SPOCK2: variants seen among roughly 807,000 people sequenced by gnomAD.
The protein encoded by SPOCK2 is SPARC (osteonectin), cwcv and kazal like domains proteoglycan 2.
A neutral mutation model predicts 60.1 loss-of-function variants in SPOCK2; 39 were observed. The observed-to-expected ratio is 0.65, with a 90% CI of 0.50 to 0.85. SPOCK2 has a LOEUF of 0.85. SPOCK2 is among the 40% of genes least tolerant of loss of function. The probability of loss-of-function intolerance (pLI) is 0.00; values close to 1 mark genes in which losing one functional copy is unlikely to be tolerated. For missense variants in SPOCK2, 523 were observed against 567.4 expected (o/e 0.92, Z 0.80); for synonymous variants, 217 against 231.5 (o/e 0.94, Z 0.57).
At chr10:72,073,543 G>A (rs575057087) in intron 1 of SPOCK2, among the ~76,000 whole-genome samples, 17 of 152,310 alleles carry the variant, frequency 1.1e-4, no homozygotes, top group African/African-American at 3.8e-4. Flanking sequence ...AGAGGACCCA[G>A]AAAGGGTCCT....
intron 1 of SPOCK2, among the ~76,000 whole-genome samples, chr10:72,075,443 T>C (rs1452355035): frequency 6.6e-6 from 1 of 152,096 alleles, no homozygotes; most frequent in Non-Finnish European, 1.5e-5. Flanking sequence ...CCCCTGGGTG[T>C]CATCTGAGGC....
intron 4 of SPOCK2, among the ~76,000 whole-genome samples, chr10:72,071,627 T>C (rs888051632): frequency 7.2e-5 from 11 of 152,182 alleles, no homozygotes; most frequent in Admixed American, 5.2e-4. Context: ...TGGTCTAACC[T>C]ATTTGTCTTA....
chr10:72,086,253 G>T lies in SPOCK2; in HGVS notation c.189+1887C>A, dbSNP rs1840853474. The stretch of plus-strand genomic sequence containing the variant: ...AAATCTAGTGCCTTTCTTCTGATGA[G>T]CATGAGAGGAAGGGGGAAGTGGTTG... On this transcript the variant is annotated intron_variant, in intron 1 of 10. Transcript: ENST00000373109. 6 of 987,156 alleles carry T rather than the reference G, an allele frequency of 6.1e-6. No homozygotes were observed. The South Asian group carries it at 2.8e-4, about 46-fold the overall frequency. 61.1% of individuals were successfully genotyped at this position (987,156 alleles called of 1,614,324 possible).
At chr10:72,080,442 C>T (rs1045658392) in intron 1 of SPOCK2, among the ~76,000 whole-genome samples, 1 of 152,164 alleles carries the variant, frequency 6.6e-6, no homozygotes, top group Non-Finnish European at 1.5e-5. Flanking sequence ...TCTGTGGCCT[C>T]CTCCTGCCCT....
rs1382750102 is a variant in SPOCK2, at chr10:72,088,143, T to C, written c.186A>G (p.Arg62=). The C allele has an allele frequency of 6.2e-7, 1 of 1,612,092 alleles. No homozygotes were observed. The highest frequency in any genetic ancestry group is 1.3e-5 in the African/African-American group (1 of 74,858). ...CTTGGCAGCCCTGCGGACTCACGTC[T>C]CGGAAGCGGTTCCAGTGCTTGATCT... The part of the protein sequence containing the change: ...SGKIKHWNRF[R]DEVEDDYIKS... The change falls in exon 1 of 11, where the codon CGA becomes CGG. Residue 62 remains arginine (R), a synonymous_variant. Coordinates refer to ENST00000373109, the MANE Select transcript of SPOCK2 (RefSeq NM_001244950.2).
At chr10:72,067,579 C>T (rs1437751906) in intron 7 of SPOCK2, 34 bp downstream of exon 7, 1 of 1,609,546 alleles carries the variant, frequency 6.2e-7, no homozygotes, top group Non-Finnish European at 8.5e-7. Context: ...CCCTATTTCC[C>T]TCCCTCCTCC....
intron 1 of SPOCK2, among the ~76,000 whole-genome samples, chr10:72,084,652 C>T (rs1370880193): frequency 6.6e-6 from 1 of 152,182 alleles, no homozygotes; most frequent in Non-Finnish European, 1.5e-5. Flanking sequence ...GCCTAGAATT[C>T]CCTGAAAAGC....
intron 2 of SPOCK2, 125 bp from the exon 3 acceptor site, chr10:72,072,673 G>T: frequency 6.9e-7 from 1 of 1,454,270 alleles, no homozygotes; most frequent in Non-Finnish European, 9.5e-7. Context: ...CATCCTGGTG[G>T]CTGACCCCTG....
At chr10:72,084,929 C>G (rs2131824488) in intron 1 of SPOCK2, among the ~76,000 whole-genome samples, 1 of 152,264 alleles carries the variant, frequency 6.6e-6, no homozygotes, top group Non-Finnish European at 1.5e-5. Flanking sequence ...TCCTGGGTGC[C>G]AAGCACTGTG....
At position 72,087,129 on chromosome 10, in the gene SPOCK2, A is replaced by G; in HGVS notation, c.189+1011T>C. 1 of 928,834 alleles carries G rather than the reference A, an allele frequency of 1.1e-6. No homozygotes were observed. Among genetic ancestry groups the G allele is most frequent in the African/African-American group, 1.7e-5 (1 of 57,932 alleles). 57.5% of individuals were successfully genotyped at this position (928,834 alleles called of 1,614,324 possible). A position where few individuals can be genotyped will look rare whatever the true frequency, so the allele number is the denominator to read the frequency against. On this transcript the variant is annotated intron_variant, in intron 1 of 10. Coordinates refer to ENST00000373109, the MANE Select transcript of SPOCK2 (RefSeq NM_001244950.2). This position sits in a 1 kb window ranked among gnomAD's most constrained non-coding sequence, Gnocchi z 4.7. ...CCCATCCCCCACAGCACCCCCAACG[A>G]TCTCGGGGTCCAGCCACACCCTCCG...
chr10:72,071,736 T>A (rs1471443159), intron 4 of SPOCK2, among the ~76,000 whole-genome samples: 1 of 152,162 alleles, frequency 6.6e-6, no homozygotes, highest in Non-Finnish European at 1.5e-5. Context: ...TCCTTGCTCA[T>A]CTCTTAAATG....
chr10:72,067,154 T>C (rs1840581732), intron 7 of SPOCK2, 34 bp from the exon 8 acceptor site: 1 of 1,588,686 alleles, frequency 6.3e-7, no homozygotes, highest in South Asian at 1.1e-5. Flanking sequence ...ACGCTTCATC[T>C]GGCTATTCAG....
intron 1 of SPOCK2, 106 bp downstream of exon 1, chr10:72,088,034 G>T: frequency 7.2e-7 from 1 of 1,387,612 alleles, no homozygotes; most frequent in Non-Finnish European, 9.9e-7. Context: ...CGGCCAGGCT[G>T]CGGAGCCTCG....
chr10:72,067,247 A>G, intron 7 of SPOCK2, 127 bp from the exon 8 acceptor site: 1 of 970,892 alleles, frequency 1.0e-6, no homozygotes, highest in Non-Finnish European at 1.5e-6. Flanking sequence ...GAATCTAACC[A>G]TGGGATTGAG....
chr10:72,078,014 A>G (rs1309966589), intron 1 of SPOCK2, among the ~76,000 whole-genome samples: 1 of 152,216 alleles, frequency 6.6e-6, no homozygotes, highest in East Asian at 1.9e-4. Flanking sequence ...TTGAAACTGA[A>G]TATACAGTTT....
At chr10:72,080,562 C>T (rs1049683434) in intron 1 of SPOCK2, among the ~76,000 whole-genome samples, 8 of 152,088 alleles carry the variant, frequency 5.3e-5, no homozygotes, top group African/African-American at 1.9e-4. Flanking sequence ...CCCCATCACA[C>T]ACCTGGGAGA....
At chr10:72,072,290 C>G in intron 3 of SPOCK2, 32 bp from the exon 4 acceptor site, 1 of 1,488,622 alleles carries the variant, frequency 6.7e-7, no homozygotes, top group Non-Finnish European at 8.9e-7. Flanking sequence ...ACACAGGTCA[C>G]CTGGGAGAAC....
chr10:72,063,228 AC>A (rs1000737905), intron 9 of SPOCK2, 66 bp from the exon 10 acceptor site: 1 of 1,541,436 alleles, frequency 6.5e-7, no homozygotes, highest in African/African-American at 1.4e-5. Flanking sequence ...CAGAGAGGTG[AC>A]CTCAGGTCCT....
intron 1 of SPOCK2, among the ~76,000 whole-genome samples, chr10:72,073,801 G>C (rs1490548018): frequency 6.6e-6 from 1 of 152,244 alleles, no homozygotes; most frequent in Non-Finnish European, 1.5e-5. Context: ...ACCTGACCCA[G>C]CTCCCTGGCA....
Sources: gnomAD v4.1 joint callset for allele counts (sites outside exome capture counted in the v4.1 genomes callset) on GRCh38, gnomAD v4.1.1 for gene constraint, Gnocchi (gnomAD v3.1) non-coding constraint, MANE v1.5 for transcripts, NCBI Gene and HGNC (gene_info 2026-07-23, HGNC 2026-07-21) for gene names.